EML6: variants seen among roughly 807,000 people sequenced by gnomAD.
The protein encoded by EML6 is EMAP like 6, also known as echinoderm microtubule-associated protein-like 6.
A neutral mutation model predicts 240.1 loss-of-function variants in EML6; 154 were observed. The ratio of observed to expected loss-of-function variants is 0.64; its 90% CI spans 0.56 to 0.73. The LOEUF is 0.73. EML6 is among the 30% of genes least tolerant of loss of function. The pLI is 0.00. For synonymous variants in EML6, 1,148 were observed against 899.0 expected (o/e 1.28, Z -4.95); for missense variants, 2,964 against 2,474.6 (o/e 1.20, Z -4.20).
intron 2 of EML6, among the ~76,000 whole-genome samples, chr2:54,750,551 C>A (rs536386768): frequency 6.6e-6 from 1 of 152,336 alleles, no homozygotes; most frequent in Non-Finnish European, 1.5e-5. Flanking sequence ...TACAGGGACT[C>A]AGATGACTGT....
At chr2:54,736,059 T>A (rs1327536028) in intron 2 of EML6, among the ~76,000 whole-genome samples, 2 of 152,114 alleles carry the variant, frequency 1.3e-5, no homozygotes. Flanking sequence ...CAGGGTCCCT[T>A]GAAGCAAGAA....
chr2:54,878,442 G>A (rs374412733), intron 16 of EML6, among the ~76,000 whole-genome samples: 1 of 152,152 alleles, frequency 6.6e-6, no homozygotes, highest in Admixed American at 6.5e-5. Flanking sequence ...ACCCAGAGAT[G>A]GTTCTGTGTT....
At chr2:54,908,796 C>G (rs1673482001) in intron 24 of EML6, among the ~76,000 whole-genome samples, 1 of 152,174 alleles carries the variant, frequency 6.6e-6, no homozygotes, top group African/African-American at 2.4e-5. Flanking sequence ...CTCTCAGATT[C>G]CAGTTTACCA....
chr2:54,906,918 C>T (rs904220922), intron 24 of EML6, among the ~76,000 whole-genome samples: 1 of 152,170 alleles, frequency 6.6e-6, no homozygotes, highest in Non-Finnish European at 1.5e-5. Context: ...TGTTTCATGC[C>T]TTTGATCCTG....
At chr2:54,886,997 A>G (rs1249938741) in intron 17 of EML6, among the ~76,000 whole-genome samples, 1 of 152,182 alleles carries the variant, frequency 6.6e-6, no homozygotes, top group Non-Finnish European at 1.5e-5. Context: ...GAAAATAACT[A>G]AAAGCCATAC....
chr2:54,896,059 G>C (rs139538928), intron 21 of EML6, among the ~76,000 whole-genome samples: 131 of 152,308 alleles, frequency 8.6e-4, no homozygotes, highest in African/African-American at 2.9e-3. Flanking sequence ...AACACAAGAG[G>C]AGTATGAGGG....
chr2:54,732,316 A>C (rs1369697042), intron 2 of EML6, among the ~76,000 whole-genome samples: 1 of 151,990 alleles, frequency 6.6e-6, no homozygotes, highest in Non-Finnish European at 1.5e-5. Context: ...TGTCCAATTT[A>C]TTAATTTTTT....
At chr2:54,920,105 C>T (rs775389326) in intron 26 of EML6, among the ~76,000 whole-genome samples, 3 of 152,074 alleles carry the variant, frequency 2.0e-5, no homozygotes, top group Non-Finnish European at 4.4e-5. Flanking sequence ...CCTAACTTTA[C>T]ACTTCAGAAA....
chr2:54,928,112 TGAG>T (rs1402721176), intron 26 of EML6, among the ~76,000 whole-genome samples, 198 bp from the exon 27 acceptor site: 1 of 152,166 alleles, frequency 6.6e-6, no homozygotes, highest in East Asian at 1.9e-4. Context: ...AAAAATATAT[TGAG>T]GACCTATTGT....
At chr2:54,935,256 C>T (rs1053835406) in intron 28 of EML6, among the ~76,000 whole-genome samples, 5 of 152,106 alleles carry the variant, frequency 3.3e-5, no homozygotes, top group Non-Finnish European at 7.4e-5. Context: ...TTTGGTGTTC[C>T]TGTCCTGTGA....
intron 2 of EML6, among the ~76,000 whole-genome samples, chr2:54,753,440 A>T (rs998811074): frequency 2.0e-5 from 3 of 152,202 alleles, no homozygotes; most frequent in African/African-American, 7.2e-5. Flanking sequence ...GGCTCAATGT[A>T]ATCATAAAGG....
At chr2:54,871,665 A>G in intron 16 of EML6, 60 bp downstream of exon 16, 2 of 1,254,512 alleles carry the variant, frequency 1.6e-6, no homozygotes, top group Non-Finnish European at 2.3e-6. Flanking sequence ...ACACAGAGAG[A>G]GTATGCCCCG....
At chr2:54,805,211 C>G (rs928608119) in intron 2 of EML6, among the ~76,000 whole-genome samples, 29 of 152,316 alleles carry the variant, frequency 1.9e-4, no homozygotes, top group African/African-American at 5.1e-4. Flanking sequence ...TATCCATTCA[C>G]TTGTTGTACG....
intron 26 of EML6, among the ~76,000 whole-genome samples, chr2:54,917,563 A>T (rs968796234): frequency 6.6e-6 from 1 of 152,062 alleles, no homozygotes; most frequent in East Asian, 1.9e-4. Flanking sequence ...GGGTTTCACC[A>T]TCTTGACCAG....
intron 17 of EML6, chr2:54,881,238 T>A (rs1175437339): frequency 6.6e-6 from 1 of 152,238 alleles, no homozygotes; most frequent in Non-Finnish European, 1.5e-5. Flanking sequence ...AAATAAAAGT[T>A]ACTTAAATAT....
Position 54,970,757 on chromosome 2 carries a change from A to C in EML6, c.*662A>C, listed in dbSNP as rs1359725626. ...TTTCTCCTTTCTCCATATGGTGCTA[A>C]AACCTCAAAGCTGAGGAGGGCTGCA... On this transcript the variant is annotated 3_prime_UTR_variant, in exon 42 of 42. Coordinates refer to ENST00000356458, the MANE Select transcript of EML6 (RefSeq NM_001039753.4). The C allele has an allele frequency of 1.3e-5, 2 of 152,642 alleles. No homozygotes were observed. Among genetic ancestry groups the C allele is most frequent in the Non-Finnish European group, 2.9e-5 (2 of 68,370 alleles). 9.5% of individuals were successfully genotyped at this position (152,642 alleles called of 1,614,324 possible).
rs898822281 is a variant in EML6 at position 54,776,225 on chromosome 2, G to C, written c.198-37007G>C. Among the ~76,000 whole-genome samples, 3 of 152,094 alleles carry C rather than the reference G, an allele frequency of 2.0e-5. No homozygotes were observed. The East Asian group carries it at 5.8e-4, about 29-fold the overall frequency. On this transcript the variant is annotated intron_variant, in intron 2 of 41. Coordinates refer to ENST00000356458, the MANE Select transcript of EML6 (RefSeq NM_001039753.4). Reference sequence around the variant, plus strand: ...AGTGATAAGTGGAAAAGGAGGAGGAGAAAGGGGCTTTATTGGCCCAACCAG... The same window carrying C: ...AGTGATAAGTGGAAAAGGAGGAGGACAAAGGGGCTTTATTGGCCCAACCAG...
At chr2:54,889,589 C>T (rs1672350451) in intron 17 of EML6, among the ~76,000 whole-genome samples, 1 of 151,496 alleles carries the variant, frequency 6.6e-6, no homozygotes, top group Non-Finnish European at 1.5e-5. Context: ...ATTTTTCAAC[C>T]AGTCACTGTA....
At chr2:54,789,375 G>C (rs570380182) in intron 2 of EML6, among the ~76,000 whole-genome samples, 89 of 151,330 alleles carry the variant, frequency 5.9e-4, no homozygotes, top group Non-Finnish European at 1.1e-3. Context: ...TTAGCCGGGC[G>C]TGATGGCGGG....
Sources: allele counts gnomAD v4.1 joint callset (sites outside exome capture counted in the v4.1 genomes callset), GRCh38; gene constraint gnomAD v4.1.1; transcripts MANE v1.5; gene names NCBI Gene and HGNC (gene_info 2026-07-23, HGNC 2026-07-21).